PPFIA2: variants seen among roughly 807,000 people sequenced by gnomAD.
PPFIA2 encodes the protein PPFI scaffold protein A2.
PPFIA2 carries 46 observed loss-of-function variants against 175.5 expected under a neutral mutation model. The ratio of observed to expected loss-of-function variants is 0.26; its 90% CI spans 0.21 to 0.34. The LOEUF is 0.34. PPFIA2 is among the 10% of genes least tolerant of loss of function. PPFIA2 has a pLI of 1.00. For synonymous variants in PPFIA2, 568 were observed against 511.4 expected (o/e 1.11, Z -1.49); for missense variants, 1,179 against 1,506.1 (o/e 0.78, Z 3.60).
chr12:81,353,468 A>C (rs1443282581), intron 16 of PPFIA2, 129 bp from the exon 17 acceptor site: 2 of 636,176 alleles, frequency 3.1e-6, no homozygotes, highest in African/African-American at 1.8e-5. Flanking sequence ...CCAATTATTA[A>C]CATTTTAATT....
At chr12:81,464,724 T>A (rs1822119396) in intron 4 of PPFIA2, among the ~76,000 whole-genome samples, 1 of 152,096 alleles carries the variant, frequency 6.6e-6, no homozygotes, top group African/African-American at 2.4e-5. Flanking sequence ...CCTCTTCTGG[T>A]CAACTTTCCT....
chr12:81,585,805 CAT>C, intron 4 of PPFIA2, among the ~76,000 whole-genome samples: 1 of 151,904 alleles, frequency 6.6e-6, no homozygotes, highest in South Asian at 2.1e-4. Flanking sequence ...AATCCAGTAA[CAT>C]AGAAGTTTAT....
intron 4 of PPFIA2, among the ~76,000 whole-genome samples, chr12:81,539,197 G>A (rs2065852369): frequency 6.6e-6 from 1 of 151,852 alleles, no homozygotes; most frequent in Non-Finnish European, 1.5e-5. Flanking sequence ...TTTAAGATAC[G>A]TCAACTGAGA....
intron 3 of PPFIA2, among the ~76,000 whole-genome samples, chr12:81,702,995 C>A (rs1755893423): frequency 6.6e-6 from 1 of 152,076 alleles, no homozygotes; most frequent in African/African-American, 2.4e-5. Context: ...TTATGAGCAA[C>A]AAATGTCTGT....
intron 17 of PPFIA2, among the ~76,000 whole-genome samples, chr12:81,349,728 A>G (rs533145978): frequency 4.4e-4 from 67 of 152,324 alleles, no homozygotes; most frequent in African/African-American, 1.6e-3. Context: ...AAGACAGCCA[A>G]ACCTAGAGGA....
intron 3 of PPFIA2, among the ~76,000 whole-genome samples, chr12:81,726,848 G>A (rs1183008335): frequency 6.6e-6 from 1 of 151,262 alleles, no homozygotes; most frequent in African/African-American, 2.4e-5. Flanking sequence ...TAGAAGTACT[G>A]CTGTGATGCA....
At chr12:81,624,385 T>C (rs998350106) in intron 4 of PPFIA2, among the ~76,000 whole-genome samples, 4 of 148,524 alleles carry the variant, frequency 2.7e-5, no homozygotes, top group African/African-American at 7.4e-5. Context: ...CTATAAAATA[T>C]ATATACTGAT....
chr12:81,435,429 A>G (rs1158662752), intron 7 of PPFIA2, among the ~76,000 whole-genome samples: 1 of 152,168 alleles, frequency 6.6e-6, no homozygotes, highest in South Asian at 2.1e-4. Context: ...TTTCTTTTCT[A>G]CAGAAGTCAT....
At chr12:81,341,261 A>G in intron 19 of PPFIA2, 53 bp from the exon 20 acceptor site, 1 of 1,549,856 alleles carries the variant, frequency 6.5e-7, no homozygotes, top group Non-Finnish European at 8.8e-7. Flanking sequence ...TTCAGTTGAA[A>G]TTGACACAAA....
At chr12:81,604,111 T>C (rs943230359) in intron 4 of PPFIA2, among the ~76,000 whole-genome samples, 4 of 151,716 alleles carry the variant, frequency 2.6e-5, no homozygotes, top group African/African-American at 7.3e-5. Flanking sequence ...ATGCTAACCA[T>C]TGACTTGATG....
intron 4 of PPFIA2, chr12:81,675,486 T>C (rs895889901): frequency 6.6e-6 from 1 of 152,148 alleles, no homozygotes; most frequent in East Asian, 1.9e-4. Context: ...TATCAGTACT[T>C]AGCAGAAGAC....
chr12:81,536,392 T>G (rs1011819244), intron 4 of PPFIA2, among the ~76,000 whole-genome samples: 29 of 151,554 alleles, frequency 1.9e-4, no homozygotes, highest in Non-Finnish European at 3.7e-4. Flanking sequence ...ATAATCGCTT[T>G]CAATTATATT....
At chr12:81,633,742 G>A (rs1470929159) in intron 4 of PPFIA2, among the ~76,000 whole-genome samples, 1 of 152,036 alleles carries the variant, frequency 6.6e-6, no homozygotes, top group Non-Finnish European at 1.5e-5. Flanking sequence ...AGATTAAATG[G>A]AGAATATTAG....
intron 19 of PPFIA2, among the ~76,000 whole-genome samples, chr12:81,343,039 T>C (rs2058425439): frequency 6.6e-6 from 1 of 151,928 alleles, no homozygotes; most frequent in East Asian, 1.9e-4. Context: ...GAGAGGGATT[T>C]GAATTCTGAT....
At chr12:81,477,068 G>C (rs1264296381) in intron 4 of PPFIA2, among the ~76,000 whole-genome samples, 1 of 152,010 alleles carries the variant, frequency 6.6e-6, no homozygotes, top group East Asian at 1.9e-4. Flanking sequence ...TGGTAGCGGG[G>C]GAAGGGAGAG....
chr12:81,562,297 T>C (rs1350477827), intron 4 of PPFIA2, among the ~76,000 whole-genome samples: 1 of 152,166 alleles, frequency 6.6e-6, no homozygotes, highest in Non-Finnish European at 1.5e-5. Context: ...AAGCCAAGGG[T>C]TAATTGTCTT....
chr12:81,339,318 G>A lies in PPFIA2; in HGVS notation c.2410C>T (p.Leu804Phe), dbSNP rs748479620. 1.9e-6 allele frequency: 3 copies of A among 1,593,352 alleles called. No homozygotes were observed. Among genetic ancestry groups the A allele is most frequent in the Non-Finnish European group, 2.6e-6 (3 of 1,170,938 alleles). The change falls in exon 21 of 33, where the codon CTT becomes TTT. Residue 804 changes from leucine to phenylalanine, a missense_variant. Leu to Phe is a conservative substitution (Grantham distance 22, BLOSUM62 0). Around this residue, in one of 10 missense-constraint regions of PPFIA2, gnomAD observed 223 missense variants for 241.6 expected, o/e 0.92. Coordinates refer to ENST00000549396, the MANE Select transcript of PPFIA2 (RefSeq NM_003625.5). Reference sequence around the variant, plus strand: ...CCAAGCCCGAGGCTTTCTGGCTCAAGAGAGACAGATAAACTACTGCAAAAC... The same window carrying A: ...CCAAGCCCGAGGCTTTCTGGCTCAAAAGAGACAGATAAACTACTGCAAAAC... ...NDARSSLSVSLEPESLGLGSA... is the reference protein window; with the variant it reads ...NDARSSLSVSFEPESLGLGSA...
At chr12:81,583,018 T>C (rs954086226) in intron 4 of PPFIA2, among the ~76,000 whole-genome samples, 7 of 151,912 alleles carry the variant, frequency 4.6e-5, no homozygotes, top group African/African-American at 1.7e-4. Context: ...ACATTACTCA[T>C]TGAAACCTTG....
chr12:81,413,568 A>AT (rs1160721918), intron 7 of PPFIA2, among the ~76,000 whole-genome samples: 1 of 151,850 alleles, frequency 6.6e-6, no homozygotes, highest in African/African-American at 2.4e-5. Context: ...CAGCAGGATC[A>AT]TGGAAGGACA....
Sources: allele counts gnomAD v4.1 joint callset (sites outside exome capture counted in the v4.1 genomes callset), GRCh38; gene constraint gnomAD v4.1.1; regional missense constraint gnomAD v4.1.1; transcripts MANE v1.5; gene names NCBI Gene and HGNC (gene_info 2026-07-23, HGNC 2026-07-21).